The following STXBP5 variants were observed in gnomAD, a reference collection of about 807,000 sequenced individuals.
The protein encoded by STXBP5 is syntaxin binding protein 5, also known as syntaxin-binding protein 5.
In STXBP5, 50 loss-of-function variants were observed where a neutral mutation model predicts 152.4. The ratio of observed to expected loss-of-function variants is 0.33; its 90% CI spans 0.26 to 0.42. The LOEUF (loss-of-function observed/expected upper bound fraction) is 0.42. STXBP5 is among the 10% of genes least tolerant of loss of function. The pLI is 1.00. For synonymous variants in STXBP5, 492 were observed against 494.7 expected (o/e 0.99, Z 0.07); for missense variants, 1,167 against 1,388.6 (o/e 0.84, Z 2.54).
intron 4 of STXBP5, among the ~76,000 whole-genome samples, chr6:147,242,152 T>C (rs1181099579): frequency 6.6e-6 from 1 of 150,592 alleles, no homozygotes; most frequent in African/African-American, 2.4e-5. Context: ...GGCTAATGTG[T>C]GTGACTGTGT....
chr6:147,257,966 CT>C (rs1779455168), intron 4 of STXBP5, among the ~76,000 whole-genome samples: 1 of 152,146 alleles, frequency 6.6e-6, no homozygotes, highest in Admixed American at 6.5e-5. Flanking sequence ...TCTAGCTTGC[CT>C]TACTCGTATG....
At chr6:147,242,677 C>G (rs1778609083) in intron 4 of STXBP5, among the ~76,000 whole-genome samples, 1 of 152,154 alleles carries the variant, frequency 6.6e-6, no homozygotes, top group Non-Finnish European at 1.5e-5. Context: ...AACATGCTTT[C>G]CAGGTTTGTA....
chr6:147,347,502 T>C (rs145695926), intron 21 of STXBP5, among the ~76,000 whole-genome samples: 25 of 152,312 alleles, frequency 1.6e-4, no homozygotes, highest in African/African-American at 5.8e-4. Context: ...ACTTAAAAGC[T>C]ACACTAAACC....
At chr6:147,213,303 G>A (rs1010440032) in intron 2 of STXBP5, among the ~76,000 whole-genome samples, 3 of 150,826 alleles carry the variant, frequency 2.0e-5, no homozygotes, top group Admixed American at 2.0e-4. Flanking sequence ...TTTCTTTCTG[G>A]AATACAGTGG....
chr6:147,221,862 T>C (rs1777478322), intron 2 of STXBP5, among the ~76,000 whole-genome samples: 1 of 152,084 alleles, frequency 6.6e-6, no homozygotes, highest in Non-Finnish European at 1.5e-5. Flanking sequence ...TATTTCTTTC[T>C]GTTCCCTCTT....
chr6:147,311,601 C>A, intron 11 of STXBP5, 74 bp downstream of exon 11: 3 of 1,154,218 alleles, frequency 2.6e-6, no homozygotes, highest in East Asian at 2.4e-5. Context: ...ATAGCATTAG[C>A]TATTTCATTT....
At chr6:147,368,198 A>T (rs1785380749) in intron 25 of STXBP5, among the ~76,000 whole-genome samples, 1 of 152,136 alleles carries the variant, frequency 6.6e-6, no homozygotes, top group African/African-American at 2.4e-5. Context: ...CCAAGTTATT[A>T]TAAGAAAAGA....
chr6:147,218,532 G>C (rs2115072017), intron 2 of STXBP5, among the ~76,000 whole-genome samples: 1 of 152,014 alleles, frequency 6.6e-6, no homozygotes, highest in East Asian at 1.9e-4. Flanking sequence ...CCAGGCTGGA[G>C]TGCAGTGGTA....
intron 26 of STXBP5, among the ~76,000 whole-genome samples, chr6:147,376,760 A>G (rs1237549671): frequency 3.9e-5 from 6 of 152,110 alleles, no homozygotes; most frequent in Non-Finnish European, 7.4e-5. Context: ...GTAATGAGCC[A>G]TGATTATACT....
intron 22 of STXBP5, among the ~76,000 whole-genome samples, chr6:147,355,317 A>G (rs920762239): frequency 2.6e-5 from 4 of 152,166 alleles, no homozygotes; most frequent in African/African-American, 9.7e-5. Context: ...TTGTTGAATA[A>G]GGCTCTCTGT....
At chr6:147,345,311 C>T (rs913785278) in intron 21 of STXBP5, among the ~76,000 whole-genome samples, 5 of 152,108 alleles carry the variant, frequency 3.3e-5, no homozygotes, top group Admixed American at 6.6e-5. Flanking sequence ...GATGTTTTAG[C>T]ATGGGAGATA....
intron 9 of STXBP5, among the ~76,000 whole-genome samples, chr6:147,304,265 C>A (rs1781976414): frequency 6.6e-6 from 1 of 152,152 alleles, no homozygotes; most frequent in Non-Finnish European, 1.5e-5. Context: ...GTGTCCCAGC[C>A]ATGGCTAAAA....
chr6:147,272,055 T>C (rs1486120166), intron 7 of STXBP5, among the ~76,000 whole-genome samples: 1 of 152,184 alleles, frequency 6.6e-6, no homozygotes, highest in African/African-American at 2.4e-5. Context: ...TTCTTGGAAG[T>C]ACCGACGCTC....
At chr6:147,383,561 C>T (rs1000763556) in intron 27 of STXBP5, among the ~76,000 whole-genome samples, 7 of 152,048 alleles carry the variant, frequency 4.6e-5, no homozygotes, top group African/African-American at 1.4e-4. Context: ...TACACCACAT[C>T]GTGCTCTTAA....
At chr6:147,235,213 A>G (rs1227036847) in intron 2 of STXBP5, 37 bp from the exon 3 acceptor site, 1 of 1,594,270 alleles carries the variant, frequency 6.3e-7, no homozygotes, top group Non-Finnish European at 8.6e-7. Flanking sequence ...TCAAAACCGA[A>G]CAAATACCAT....
At chr6:147,304,764 A>G (rs557311220) in intron 9 of STXBP5, among the ~76,000 whole-genome samples, 98 of 152,300 alleles carry the variant, frequency 6.4e-4, no homozygotes, top group Non-Finnish European at 1.2e-3. Flanking sequence ...ACGTGAGACA[A>G]GAAGTCAAAG....
Position 147,308,298 on chromosome 6 carries a change from G to A in STXBP5, c.918-1786G>A, listed in dbSNP as rs374427362. ...CATAATAATTGCAGTATGCTGAGAG[G>A]TTGAAACACTGAATGTATGGATATG... On this transcript the variant is annotated intron_variant, in intron 9 of 27. Coordinates refer to ENST00000321680, the MANE Select transcript of STXBP5 (RefSeq NM_001127715.4). Among the ~76,000 whole-genome samples, 15 of 152,166 alleles carry A rather than the reference G, an allele frequency of 9.9e-5. No homozygotes were observed. The East Asian group carries it at 1.2e-3, about 12-fold the overall frequency.
At chr6:147,373,954 A>G (rs768367723) in intron 26 of STXBP5, 112 bp downstream of exon 26, 13 of 613,318 alleles carry the variant, frequency 2.1e-5, no homozygotes, top group Admixed American at 9.3e-5. Flanking sequence ...TGTCACAATT[A>G]CTATTTCCAT....
chr6:147,229,705 G>A (rs1008403918), intron 2 of STXBP5, among the ~76,000 whole-genome samples: 2 of 151,472 alleles, frequency 1.3e-5, no homozygotes, highest in Non-Finnish European at 3.0e-5. Context: ...TATGTATATT[G>A]GTCTTGTATT....
Sources: allele counts gnomAD v4.1 joint callset (sites outside exome capture counted in the v4.1 genomes callset), GRCh38; gene constraint gnomAD v4.1.1; transcripts MANE v1.5; gene names NCBI Gene and HGNC (gene_info 2026-07-23, HGNC 2026-07-21).